PHACTR1: variants seen among roughly 807,000 people sequenced by gnomAD.
PHACTR1 encodes the protein phosphatase and actin regulator 1.
A neutral mutation model predicts 69.2 loss-of-function variants in PHACTR1; 16 were observed. The ratio of observed to expected loss-of-function variants is 0.23; its 90% confidence interval spans 0.16 to 0.35. The LOEUF (loss-of-function observed/expected upper bound fraction) is 0.35. PHACTR1 is among the 10% of genes least tolerant of loss of function. PHACTR1 has a pLI of 1.00. For missense variants in PHACTR1, 510 were observed against 734.7 expected (o/e 0.69, Z 3.54); for synonymous variants, 312 against 284.5 (o/e 1.10, Z -0.97).
At chr6:12,819,788 T>C (rs1404545356) in intron 4 of PHACTR1, among the ~76,000 whole-genome samples, 1 of 152,132 alleles carries the variant, frequency 6.6e-6, no homozygotes, top group Non-Finnish European at 1.5e-5. Context: ...TTAGGATGAG[T>C]AATTACTCTA....
At chr6:13,264,511 G>A (rs1776336812) in intron 10 of PHACTR1, among the ~76,000 whole-genome samples, 1 of 152,184 alleles carries the variant, frequency 6.6e-6, no homozygotes, top group East Asian at 1.9e-4. Flanking sequence ...CCTGAGGTCA[G>A]GAGTTCGAGA....
At chr6:12,961,942 G>C (rs1301838557) in intron 4 of PHACTR1, among the ~76,000 whole-genome samples, 1 of 151,784 alleles carries the variant, frequency 6.6e-6, no homozygotes, top group Non-Finnish European at 1.5e-5. Flanking sequence ...TTTGTTTTTG[G>C]TTTTGAGTCA....
chr6:12,846,657 T>C (rs1227794162), intron 4 of PHACTR1, among the ~76,000 whole-genome samples: 3 of 152,128 alleles, frequency 2.0e-5, no homozygotes, highest in Admixed American at 2.0e-4. Context: ...GTAATATTAA[T>C]CTTACAGGAA....
rs189619531 is a variant in PHACTR1, at chr6:13,284,410, G to A, written c.1650+848G>A. Among the ~76,000 whole-genome samples the A allele has an allele frequency of 3.7e-3, 556 of 150,202 alleles. 2 individuals are homozygous for A. Among genetic ancestry groups the A allele is most frequent in the African/African-American group, 0.013 (518 of 40,594 alleles). ...CACACACCTGTAATCCCAGCTGCTC[G>A]GGAGGCTGAGGCAGGAGAATTGCTT... On this transcript the variant is annotated intron_variant, in intron 13 of 14. Coordinates refer to ENST00000332995, the MANE Select transcript of PHACTR1 (RefSeq NM_030948.6).
intron 5 of PHACTR1, among the ~76,000 whole-genome samples, chr6:13,133,678 C>T (rs1403346313): frequency 6.6e-6 from 1 of 152,122 alleles, no homozygotes; most frequent in Non-Finnish European, 1.5e-5. Context: ...GCCTTGGCCT[C>T]CCAAAGTGCC....
intron 4 of PHACTR1, among the ~76,000 whole-genome samples, chr6:12,804,887 A>G (rs1486920893): frequency 1.3e-5 from 2 of 152,214 alleles, no homozygotes; most frequent in African/African-American, 4.8e-5. Flanking sequence ...GTGAAAATAA[A>G]TACTCCAAAA....
At chr6:12,806,371 T>C (rs1774331763) in intron 4 of PHACTR1, among the ~76,000 whole-genome samples, 1 of 152,262 alleles carries the variant, frequency 6.6e-6, no homozygotes, top group Non-Finnish European at 1.5e-5. Flanking sequence ...TTGCCAATCA[T>C]GTATGAGGCA....
At chr6:13,211,152 C>G (rs938803229) in intron 8 of PHACTR1, among the ~76,000 whole-genome samples, 1 of 151,872 alleles carries the variant, frequency 6.6e-6, no homozygotes, top group African/African-American at 2.4e-5. Flanking sequence ...TTTTGGGAAA[C>G]AGGTGGTTTT....
At chr6:13,202,621 G>A (rs1765387770) in intron 7 of PHACTR1, among the ~76,000 whole-genome samples, 1 of 152,100 alleles carries the variant, frequency 6.6e-6, no homozygotes. Flanking sequence ...GGGATTACAG[G>A]CACCTGCCAC....
At chr6:12,895,800 A>G (rs750921350) in intron 4 of PHACTR1, among the ~76,000 whole-genome samples, 1 of 152,212 alleles carries the variant, frequency 6.6e-6, no homozygotes, top group Non-Finnish European at 1.5e-5. Flanking sequence ...ATGCCCCCAG[A>G]GATTCTGCCT....
At chr6:12,836,978 C>T (rs552628671) in intron 4 of PHACTR1, among the ~76,000 whole-genome samples, 3 of 152,126 alleles carry the variant, frequency 2.0e-5, no homozygotes, top group Non-Finnish European at 4.4e-5. Context: ...GCCCCTCCCC[C>T]TCTATGTTCC....
At chr6:12,770,235 A>G (rs1027291640) in intron 4 of PHACTR1, among the ~76,000 whole-genome samples, 4 of 152,356 alleles carry the variant, frequency 2.6e-5, no homozygotes, top group Non-Finnish European at 4.4e-5. Context: ...CTGTTTTTAC[A>G]ACAGTCATCT....
chr6:12,776,806 T>C (rs772150773), intron 4 of PHACTR1, among the ~76,000 whole-genome samples: 9 of 152,162 alleles, frequency 5.9e-5, no homozygotes, highest in Non-Finnish European at 1.0e-4. Flanking sequence ...ACTTATAGAT[T>C]GAGGAAATAA....
At chr6:13,145,153 G>A (rs973870932) in intron 5 of PHACTR1, among the ~76,000 whole-genome samples, 1 of 152,172 alleles carries the variant, frequency 6.6e-6, no homozygotes, top group Non-Finnish European at 1.5e-5. Context: ...AGTATTTCAA[G>A]GATAGGCATC....
At chr6:12,748,340 A>G (rs1020810489) in intron 3 of PHACTR1, among the ~76,000 whole-genome samples, 1 of 152,164 alleles carries the variant, frequency 6.6e-6, no homozygotes, top group Non-Finnish European at 1.5e-5. Flanking sequence ...TGAAGTGGAG[A>G]GGGGGGGCTT....
At chr6:13,241,535 G>A (rs1184058325) in intron 10 of PHACTR1, among the ~76,000 whole-genome samples, 1 of 152,178 alleles carries the variant, frequency 6.6e-6, no homozygotes, top group Non-Finnish European at 1.5e-5. Context: ...CTGGACCTGA[G>A]CTTGAAAGCT....
In PHACTR1 at chr6:12,763,215, AAACAACAACAACAACAAC is replaced by A. The variant is rs71701647; in HGVS notation, c.250+13449_250+13466del. Reference sequence around the variant, plus strand: ...GCAACAAGGTGAAACTCCGTCTCAAAAACAACAACAACAACAACAACAACAACAACAACAACAACAAAA... The same window carrying A: ...GCAACAAGGTGAAACTCCGTCTCAAAAACAACAACAACAACAACAACAAAA... On this transcript the variant is annotated intron_variant, in intron 4 of 14. Transcript: ENST00000332995. 6.3e-3 allele frequency among the ~76,000 whole-genome samples: 948 copies of A among 150,106 alleles called. 8 individuals are homozygous for A. Among genetic ancestry groups the A allele is most frequent in the Admixed American group, 0.011 (163 of 15,100 alleles).
chr6:13,047,619 C>T (rs1453836281), intron 4 of PHACTR1, among the ~76,000 whole-genome samples: 1 of 152,058 alleles, frequency 6.6e-6, no homozygotes, highest in Non-Finnish European at 1.5e-5. Flanking sequence ...AATCTTAGGT[C>T]CTCCAAAAAC....
At chr6:13,068,045 G>C (rs374109653) in intron 5 of PHACTR1, among the ~76,000 whole-genome samples, 2 of 152,268 alleles carry the variant, frequency 1.3e-5, no homozygotes, top group East Asian at 1.9e-4. Context: ...GGCTAGGCAC[G>C]GTGGCTCACG....
Sources: gnomAD v4.1 joint callset for allele counts (sites outside exome capture counted in the v4.1 genomes callset) on GRCh38, gnomAD v4.1.1 for gene constraint, MANE v1.5 for transcripts, NCBI Gene and HGNC (gene_info 2026-07-23, HGNC 2026-07-21) for gene names.